Variants in MGA observed in about 807,000 individuals in gnomAD.
MGA encodes the protein MAX dimerization protein MGA.
Under a neutral mutation model 261.1 loss-of-function variants are expected in MGA, and 40 were observed. The ratio of observed to expected loss-of-function variants is 0.15; its 90% confidence interval spans 0.12 to 0.20. The LOEUF is 0.20. MGA is among the 10% of genes least tolerant of loss of function. MGA has a pLI of 1.00. For missense variants in MGA, 3,397 were observed against 3,630.5 expected (o/e 0.94, Z 1.65); for synonymous variants, 1,302 against 1,290.6 (o/e 1.01, Z -0.19).
At chr15:41,741,366 A>AG (rs1486189559) in intron 14 of MGA, among the ~76,000 whole-genome samples, 2 of 151,546 alleles carry the variant, frequency 1.3e-5, no homozygotes, top group Admixed American at 6.6e-5. Flanking sequence ...AAAAAAAAAA[A>AG]AAGAATCTAT....
chr15:41,693,223 A>G (rs1022578974), intron 2 of MGA, among the ~76,000 whole-genome samples: 4 of 151,740 alleles, frequency 2.6e-5, no homozygotes, highest in Non-Finnish European at 4.4e-5. Context: ...TTAGTTACAT[A>G]TGTATACATG....
chr15:41,759,112 ATTGT>A lies in MGA; in HGVS notation c.7192-1208_7192-1205del, dbSNP rs1398634132. Among the ~76,000 whole-genome samples, 5 of 152,250 alleles carry A rather than the reference ATTGT, an allele frequency of 3.3e-5. No homozygotes were observed. The East Asian group carries it at 9.7e-4, about 29-fold the overall frequency. ...TTTACAAAGTAGAAAGGCAAGATAG[ATTGT>A]TTATTGTTGATGAAATAAGAAATTA... On this transcript the variant is annotated intron_variant, in intron 19 of 23. Transcript: ENST00000219905.
At position 41,754,088 on chromosome 15, in the gene MGA, T is replaced by C. The variant is rs112245567; in HGVS notation, c.7009-349T>C. Among the ~76,000 whole-genome samples, 1,122 of 152,126 alleles carry C rather than the reference T, an allele frequency of 7.4e-3. 18 individuals carry two copies. The highest frequency in any genetic ancestry group is 0.026 in the African/African-American group (1,081 of 41,490). ...CGAGCACCACCATGTCTGGCTAATT[T>C]TTGTATTTTTTGTAGAGACAGGGTT... On this transcript the variant is annotated intron_variant, in intron 17 of 23. Coordinates refer to ENST00000219905, the MANE Select transcript of MGA (RefSeq NM_001164273.2).
At chr15:41,699,543 G>C (rs1215834764) in intron 5 of MGA, among the ~76,000 whole-genome samples, 1 of 152,072 alleles carries the variant, frequency 6.6e-6, no homozygotes, top group African/African-American at 2.4e-5. Flanking sequence ...CTGTCGCCCA[G>C]GCGGCTGGAG....
rs1346236768 is a variant in MGA at position 41,708,185 on chromosome 15, G to A, written c.2402G>A (p.Ser801Asn). The change falls in exon 7 of 24, where the codon AGT (serine) becomes AAT (asparagine). Residue 801 changes from serine (S) to asparagine (N), a missense_variant. By Grantham distance (46) the Ser-to-Asn change is conservative. Around this residue, in one of 9 missense-constraint regions of MGA, gnomAD observed 519 missense variants for 554.1 expected, o/e 0.94. Coordinates refer to ENST00000219905, the MANE Select transcript of MGA (RefSeq NM_001164273.2). ...AAGGGATGGAGGGGAAAATTTCATA[G>A]TGCTTCTGCATCTAGGAATGAAGGT... The A allele has an allele frequency of 1.9e-6, 3 of 1,597,012 alleles. No individual in the cohort carries two copies. The highest frequency in any genetic ancestry group is 2.6e-6 in the Non-Finnish European group (3 of 1,170,982).
At position 41,649,135 on chromosome 15, in the gene MGA, G is replaced by T. The variant is rs1595568868; in HGVS notation, c.-67-19693G>T. On this transcript the variant is annotated intron_variant, in intron 1 of 8. Coordinates refer to the MGA transcript ENST00000566718. ...ATAGTGGCTCACACCTGTAATCCTA[G>T]CACTTTGGGAGGCTGAGGCGGGTGG... 3.9e-5 allele frequency among the ~76,000 whole-genome samples: 6 copies of T among 152,170 alleles called. No homozygotes were observed. In the South Asian group the frequency reaches 1.2e-3, roughly 32 times the overall value.
intron 19 of MGA, among the ~76,000 whole-genome samples, chr15:41,759,438 ATGTGTGTGTGTG>A (rs58952352): frequency 1.5e-5 from 2 of 134,788 alleles, no homozygotes; most frequent in South Asian, 2.3e-4. Context: ...GCTTCTTAAT[ATGTGTGTGTGTG>A]TGTGTGTGTG....
chr15:41,759,462 G>GTA (rs2063330274), intron 19 of MGA, among the ~76,000 whole-genome samples: 1 of 118,294 alleles, frequency 8.5e-6, no homozygotes, highest in African/African-American at 3.0e-5. Context: ...GTGTGTGTGT[G>GTA]TATTTTTTTT....
intron 1 of MGA, among the ~76,000 whole-genome samples, chr15:41,664,591 T>G (rs2057619305): frequency 6.6e-6 from 1 of 152,206 alleles, no homozygotes; most frequent in African/African-American, 2.4e-5. Context: ...GAAATGCACC[T>G]AAGGATGTTG....
intron 1 of MGA, among the ~76,000 whole-genome samples, chr15:41,636,784 C>T (rs1467009428): frequency 6.6e-6 from 1 of 152,086 alleles, no homozygotes; most frequent in Non-Finnish European, 1.5e-5. Context: ...CTCCTGACCT[C>T]AGGAAATCCA....
rs746154413 is a variant in MGA at position 41,699,178 on chromosome 15, C to CT, written c.2188+28dup. On this transcript the variant is annotated intron_variant, in intron 5 of 23. Transcript: ENST00000219905. ...CAAGAAGGTAATAGACTAGCGACTT[C>CT]TTTTTTTTTGTTTTCTTTTTTTCTT... is the stretch of plus-strand genomic sequence containing the variant. 799 of 1,436,674 alleles carry CT rather than the reference C, an allele frequency of 5.6e-4. No homozygotes were observed. The highest frequency in any genetic ancestry group is 8.0e-4 in the South Asian group (58 of 72,648). 89.0% of individuals were successfully genotyped at this position (1,436,674 alleles called of 1,614,324 possible). A position where few individuals can be genotyped will look rare whatever the true frequency, so the allele number is the denominator to read the frequency against.
chr15:41,753,128 T>C (rs1019129296), intron 17 of MGA, among the ~76,000 whole-genome samples: 8 of 152,168 alleles, frequency 5.3e-5, no homozygotes, highest in African/African-American at 1.9e-4. Flanking sequence ...ACTGCAGTTA[T>C]GCCAGGCGCT....
At chr15:41,761,667 A>G (rs2063467255) in intron 20 of MGA, 72 bp from the exon 21 acceptor site, 4 of 795,818 alleles carry the variant, frequency 5.0e-6, no homozygotes, top group Middle Eastern at 2.4e-4. Context: ...CATTAGAGAA[A>G]TTGTATAGGC....
intron 5 of MGA, among the ~76,000 whole-genome samples, chr15:41,702,151 CTCT>C (rs1196765163): frequency 6.6e-6 from 1 of 152,028 alleles, no homozygotes; most frequent in East Asian, 1.9e-4. Context: ...GAAACTCCGT[CTCT>C]ACTAAAAATA....
In MGA at chr15:41,704,913, CATT is replaced by C. The variant is rs140752593; in HGVS notation, c.2189-2812_2189-2810del. 5.1e-3 allele frequency among the ~76,000 whole-genome samples: 780 copies of C among 152,014 alleles called. 6 individuals are homozygous for C. The highest frequency in any genetic ancestry group is 8.5e-3 in the Non-Finnish European group (580 of 67,968). On this transcript the variant is annotated intron_variant, in intron 5 of 23. Coordinates refer to ENST00000219905, the MANE Select transcript of MGA (RefSeq NM_001164273.2). ...CTTTATGAGTCTTTTTTTGTAATGA[CATT>C]ATAACACATTTTTAAGAAGTAGCTT...
At chr15:41,763,380 C>T (rs1009498018) in intron 22 of MGA, among the ~76,000 whole-genome samples, 3 of 151,008 alleles carry the variant, frequency 2.0e-5, no homozygotes, top group South Asian at 2.1e-4. Flanking sequence ...GGATTACAGG[C>T]GTGAGCCACT....
At position 41,750,211 on chromosome 15, in the gene MGA, A is replaced by G; in HGVS notation, c.6604A>G (p.Ile2202Val). 2.5e-6 allele frequency: 4 copies of G among 1,613,970 alleles called. No homozygotes were observed. The highest frequency in any genetic ancestry group is 3.4e-6 in the Non-Finnish European group (4 of 1,179,892). The change falls in exon 17 of 24, where the codon ATT becomes GTT. Residue 2202 changes from isoleucine (I) to valine (V), a missense_variant. Coordinates refer to ENST00000219905, the MANE Select transcript of MGA (RefSeq NM_001164273.2). The stretch of plus-strand genomic sequence containing the variant: ...TAAGAAAGAGGCAGACGAGCAGTTA[A>G]TTAAAGAAACAAAGACATGTCAGGA...
chr15:41,713,691 G>C (rs531400466), intron 9 of MGA, among the ~76,000 whole-genome samples, 195 bp downstream of exon 9: 43 of 152,236 alleles, frequency 2.8e-4, no homozygotes, highest in African/African-American at 9.6e-4. Context: ...AAGTTGAATT[G>C]TTCTCTGAGA....
intron 2 of MGA, among the ~76,000 whole-genome samples, chr15:41,695,766 A>G (rs1243911313): frequency 1.3e-5 from 2 of 152,220 alleles, no homozygotes; most frequent in African/African-American, 2.4e-5. Context: ...TGTATACTCT[A>G]AAATTGCTGC....
Sources: allele counts gnomAD v4.1 joint callset (sites outside exome capture counted in the v4.1 genomes callset), GRCh38; gene constraint gnomAD v4.1.1; regional missense constraint gnomAD v4.1.1; transcripts MANE v1.5; gene names NCBI Gene and HGNC (gene_info 2026-07-23, HGNC 2026-07-21).